The following USP17L18 variants were observed in gnomAD, a reference collection of about 807,000 sequenced individuals.
The protein encoded by USP17L18 is ubiquitin carboxyl-terminal hydrolase 17-like protein 18.
For missense variants in USP17L18, 4 were observed against 83.5 expected, an observed-to-expected ratio of 0.05 and a Z score of 3.71; for synonymous variants, 1 against 32.3, an observed-to-expected ratio of 0.03 and a Z score of 3.29.
In USP17L18 at chr4:9,248,917, G is replaced by T; in HGVS notation, c.288G>T (p.Gln96His). 1 of 607,082 alleles carries T rather than the reference G, an allele frequency of 1.6e-6. No homozygotes were observed. Among genetic ancestry groups the T allele is most frequent in the Non-Finnish European group, 2.9e-6 (1 of 341,728 alleles). 37.6% of individuals were successfully genotyped at this position (607,082 alleles called of 1,614,324 possible). ...GNTCYVNASL[Q>H]CLTYTPPLAN... ...CCTGCTACGTGAACGCTTCCTTGCA[G>T]TGCCTGACATACACACCGCCCCTTG... The change falls in exon 1 of 1, where the codon CAG becomes CAT. Residue 96 changes from glutamine (Q) to histidine (H), a missense_variant. By Grantham distance (24) the Gln-to-His change is conservative. Coordinates refer to ENST00000504209, the MANE Select transcript of USP17L18 (RefSeq NM_001256859.1).
In USP17L18 at chr4:9,249,840, AG is replaced by A. The variant is rs1560541801; in HGVS notation, c.1212del (p.Lys404AsnfsTer31). On this transcript the variant is annotated frameshift_variant, in exon 1 of 1. Coordinates refer to ENST00000504209, the MANE Select transcript of USP17L18 (RefSeq NM_001256859.1). LOFTEE classifies it low-confidence loss of function (END_TRUNC). Reference sequence around the variant, plus strand: ...GCAGAAGACACAGACAGGCGAGCAAAGCAAGGAGAGCTCAAGAGAGACCACC... The same window carrying A: ...GCAGAAGACACAGACAGGCGAGCAAACAAGGAGAGCTCAAGAGAGACCACC... ...LGAEDTDRRA[K>X]QGELKRDHPC... is the part of the protein sequence containing the mutation. 1 of 225,364 alleles carries A rather than the reference AG, an allele frequency of 4.4e-6. No homozygotes were observed. Among genetic ancestry groups the A allele is most frequent in the Non-Finnish European group, 7.6e-6 (1 of 130,952 alleles). 14.0% of individuals were successfully genotyped at this position (225,364 alleles called of 1,614,324 possible). A position where few individuals can be genotyped will look rare whatever the true frequency, so the allele number is the denominator to read the frequency against.
At position 9,249,006 on chromosome 4, in the gene USP17L18, G is replaced by C. The variant is rs1206174117; in HGVS notation, c.377G>C (p.Cys126Ser). ...CATCGTCACAAGGGCTGTATGCTCT[G>C]TACGATGCAAGCTCACATCACACGG... Reference protein sequence around the residue: ...TCHRHKGCMLCTMQAHITRAL... With the variant: ...TCHRHKGCMLSTMQAHITRAL... The change falls in exon 1 of 1, where the codon TGT becomes TCT. Residue 126 changes from cysteine (C) to serine (S), a missense_variant. By Grantham distance (112) the Cys-to-Ser change is moderately radical. Coordinates refer to ENST00000504209, the MANE Select transcript of USP17L18 (RefSeq NM_001256859.1). The C allele has an allele frequency of 2.8e-5, 4 of 143,442 alleles. No homozygotes were observed. In the East Asian group the frequency reaches 4.8e-4, roughly 17 times the overall value. The allele number at this position is 143,442 out of a possible 1,614,324, so 8.9% of individuals were successfully genotyped here. A position where few individuals can be genotyped will look rare whatever the true frequency, so the allele number is the denominator to read the frequency against.
At position 9,249,605 on chromosome 4, in the gene USP17L18, G is replaced by T; in HGVS notation, c.976G>T (p.Ala326Ser). 2.5e-5 allele frequency: 1 copy of T among 39,356 alleles called. No individual in the cohort carries two copies. The highest frequency in any genetic ancestry group is 1.1e-4 in the South Asian group (1 of 8,792). 2.4% of individuals were successfully genotyped at this position (39,356 alleles called of 1,614,324 possible). A position where few individuals can be genotyped will look rare whatever the true frequency, so the allele number is the denominator to read the frequency against. The change falls in exon 1 of 1, where the codon GCT becomes TCT. Residue 326 changes from alanine to serine, a missense_variant. Transcript: ENST00000504209. ...TGTCCTCTATGCTGTGCTGGTCCAC[G>T]CTGGGTGGAGTTGTCACAACGGACA... ...VYVLYAVLVH[A>S]GWSCHNGHYF...
rs1226504799 is a variant in USP17L18 at position 9,248,922 on chromosome 4, T to A, written c.293T>A (p.Leu98Gln). 1.6e-6 allele frequency: 1 copy of A among 606,232 alleles called. No homozygotes were observed. The highest frequency in any genetic ancestry group is 2.8e-5 in the East Asian group (1 of 36,336). 37.6% of individuals were successfully genotyped at this position (606,232 alleles called of 1,614,324 possible). Residue 98 changes from leucine (L) to glutamine (Q), a missense_variant, in exon 1 of 1, where the codon CTG becomes CAG. Leu to Gln is a moderately radical substitution (Grantham distance 113). Transcript: ENST00000504209. ...TCYVNASLQC[L>Q]TYTPPLANYM... ...TACGTGAACGCTTCCTTGCAGTGCC[T>A]GACATACACACCGCCCCTTGCCAAC... is the stretch of plus-strand genomic sequence containing the variant.
Position 9,249,861 on chromosome 4 carries a change from AC to A in USP17L18, c.1234del (p.His412ThrfsTer23). 5.9e-6 allele frequency: 1 copy of A among 170,908 alleles called. No homozygotes were observed. The highest frequency in any genetic ancestry group is 1.0e-5 in the Non-Finnish European group (1 of 95,930). The allele number at this position is 170,908 out of a possible 1,614,324, so 10.6% of individuals were successfully genotyped here. The stretch of plus-strand genomic sequence containing the variant: ...GCAAAGCAAGGAGAGCTCAAGAGAG[AC>A]CACCCCTGCCTCCAGGCCCCCGAGT... ...RRAKQGELKR[D>X]HPCLQAPELD... On this transcript the variant is annotated frameshift_variant, in exon 1 of 1. Transcript: ENST00000504209. LOFTEE classifies it low-confidence loss of function (END_TRUNC).
In USP17L18 at chr4:9,248,950, C is replaced by T. The variant is rs1183090138; in HGVS notation, c.321C>T (p.Tyr107=). 4 of 584,670 alleles carry T rather than the reference C, an allele frequency of 6.8e-6. No individual in the cohort carries two copies. The South Asian group carries it at 8.1e-5, about 12-fold the overall frequency. The allele number at this position is 584,670 out of a possible 1,614,324, so 36.2% of individuals were successfully genotyped here. A position where few individuals can be genotyped will look rare whatever the true frequency, so the allele number is the denominator to read the frequency against. ...CLTYTPPLAN[Y]MLSREHSQTC... The stretch of plus-strand genomic sequence containing the variant: ...CATACACACCGCCCCTTGCCAACTA[C>T]ATGCTGTCCCGGGAGCACTCTCAAA... Residue 107 remains tyrosine (Y), a synonymous_variant, in exon 1 of 1, where the codon TAC becomes TAT. Coordinates refer to ENST00000504209, the MANE Select transcript of USP17L18 (RefSeq NM_001256859.1).
Sources: allele counts gnomAD v4.1 joint callset, GRCh38; gene constraint gnomAD v4.1.1; transcripts MANE v1.5; gene names NCBI Gene and HGNC (gene_info 2026-07-23, HGNC 2026-07-21).